PTPRK: variants seen among roughly 807,000 people sequenced by gnomAD.
PTPRK encodes the protein receptor-type tyrosine-protein phosphatase kappa.
PTPRK carries 75 observed loss-of-function variants against 178.0 expected under a neutral mutation model. That is an observed-to-expected ratio of 0.42 (90% CI 0.35 to 0.51). The LOEUF is 0.51. Among genes scored for constraint, PTPRK ranks in the 20% least tolerant of loss-of-function variants. The pLI, the probability that PTPRK is intolerant of heterozygous loss-of-function variation, is 0.02. For missense variants in PTPRK, 1,441 were observed against 1,797.8 expected (o/e 0.80, Z 3.59); for synonymous variants, 637 against 620.6 (o/e 1.03, Z -0.39).
At chr6:128,020,367 C>A (rs1773315598) in intron 13 of PTPRK, among the ~76,000 whole-genome samples, 1 of 151,966 alleles carries the variant, frequency 6.6e-6, no homozygotes, top group African/African-American at 2.4e-5. Flanking sequence ...TAAACCTGAC[C>A]CAAAATGAAA....
intron 3 of PTPRK, among the ~76,000 whole-genome samples, chr6:128,248,014 AT>A (rs1301393274): frequency 6.6e-6 from 1 of 152,230 alleles, no homozygotes; most frequent in African/African-American, 2.4e-5. Flanking sequence ...CAAAGAACAA[AT>A]GTGCCCAAAT....
intron 1 of PTPRK, among the ~76,000 whole-genome samples, chr6:128,424,771 C>A (rs1843906661): frequency 6.6e-6 from 1 of 152,140 alleles, no homozygotes; most frequent in African/African-American, 2.4e-5. Context: ...TTCAGTAAAT[C>A]TGACTTCATG....
At chr6:128,192,139 C>T (rs1379352075) in intron 6 of PTPRK, among the ~76,000 whole-genome samples, 1 of 152,084 alleles carries the variant, frequency 6.6e-6, no homozygotes, top group Admixed American at 6.6e-5. Context: ...AAAGTAAAAA[C>T]TTGATCAAAA....
At chr6:127,999,883 A>G (rs746521633) in intron 15 of PTPRK, 39 of 801,208 alleles carry the variant, frequency 4.9e-5, no homozygotes, top group Middle Eastern at 1.3e-3. Context: ...ACCACTCACA[A>G]TTAAGCGTAA....
At chr6:128,374,064 T>C (rs1836674295) in intron 2 of PTPRK, among the ~76,000 whole-genome samples, 1 of 152,080 alleles carries the variant, frequency 6.6e-6, no homozygotes, top group Non-Finnish European at 1.5e-5. Context: ...TTTCCTTCTT[T>C]CATGGATAAA....
chr6:128,322,704 G>A (rs908559317), intron 2 of PTPRK, among the ~76,000 whole-genome samples: 5 of 140,286 alleles, frequency 3.6e-5, no homozygotes, highest in African/African-American at 1.1e-4. Context: ...ACACAAAAGC[G>A]ATACATTATT....
intron 7 of PTPRK, among the ~76,000 whole-genome samples, chr6:128,102,817 T>C (rs1338786211): frequency 1.3e-5 from 2 of 152,136 alleles, no homozygotes; most frequent in Non-Finnish European, 2.9e-5. Flanking sequence ...CTGGCCAAGC[T>C]TTCCTATCTC....
intron 7 of PTPRK, among the ~76,000 whole-genome samples, chr6:128,178,047 T>C (rs1801351087): frequency 6.6e-6 from 1 of 151,844 alleles, no homozygotes; most frequent in African/African-American, 2.4e-5. Flanking sequence ...CTAGACATTG[T>C]TTTATGCATT....
At chr6:128,011,156 G>A (rs1779008757) in intron 13 of PTPRK, among the ~76,000 whole-genome samples, 1 of 151,166 alleles carries the variant, frequency 6.6e-6, no homozygotes, top group African/African-American at 2.4e-5. Context: ...ACATTGGTTT[G>A]CCACAGATAC....
At chr6:128,165,186 G>A (rs908932056) in intron 7 of PTPRK, among the ~76,000 whole-genome samples, 2 of 151,012 alleles carry the variant, frequency 1.3e-5, no homozygotes, top group Admixed American at 6.6e-5. Flanking sequence ...CACATGTGAT[G>A]GGAAAGTTTT....
chr6:128,361,935 C>A (rs1367432203), intron 2 of PTPRK, among the ~76,000 whole-genome samples: 1 of 152,044 alleles, frequency 6.6e-6, no homozygotes, highest in African/African-American at 2.4e-5. Flanking sequence ...CATATACTAC[C>A]TCAACAAGTT....
chr6:128,292,226 A>G (rs1823499598), intron 3 of PTPRK, among the ~76,000 whole-genome samples: 1 of 152,134 alleles, frequency 6.6e-6, no homozygotes, highest in African/African-American at 2.4e-5. Flanking sequence ...ACTTACATGA[A>G]TAAGTTTTAG....
At chr6:128,435,038 CAGGAAGGCAGGAAGGAAGGAAGGA>C (rs1845340961) in intron 1 of PTPRK, among the ~76,000 whole-genome samples, 2 of 75,978 alleles carry the variant, frequency 2.6e-5, no homozygotes, top group African/African-American at 1.5e-4. Context: ...GACAGGAAGG[CAGGAAGGCAGGAAGGAAGGAAGGA>C]AGGAAGGAAG....
intron 1 of PTPRK, among the ~76,000 whole-genome samples, chr6:128,458,590 C>T (rs983553399): frequency 5.9e-5 from 9 of 152,306 alleles, no homozygotes; most frequent in Non-Finnish European, 7.3e-5. Flanking sequence ...CATGTGCACA[C>T]GCACACACTT....
At chr6:128,182,367 G>A (rs918341699) in intron 7 of PTPRK, among the ~76,000 whole-genome samples, 4 of 152,114 alleles carry the variant, frequency 2.6e-5, no homozygotes, top group Non-Finnish European at 4.4e-5. Context: ...CTTGAGGTCA[G>A]GAGTTCAAGA....
chr6:128,405,464 G>T (rs1841541308), intron 1 of PTPRK, among the ~76,000 whole-genome samples: 1 of 152,060 alleles, frequency 6.6e-6, no homozygotes, highest in Admixed American at 6.6e-5. Flanking sequence ...TCCAGTAAAA[G>T]GTCTTTTTCA....
chr6:128,362,874 C>G (rs1016076068), intron 2 of PTPRK, among the ~76,000 whole-genome samples: 1 of 152,066 alleles, frequency 6.6e-6, no homozygotes, highest in Non-Finnish European at 1.5e-5. Context: ...GGTACAAATA[C>G]TTTCCCCAAA....
At chr6:128,149,013 A>G (rs1326019921) in intron 7 of PTPRK, among the ~76,000 whole-genome samples, 2 of 152,050 alleles carry the variant, frequency 1.3e-5, no homozygotes, top group African/African-American at 2.4e-5. Flanking sequence ...CATTGACGAT[A>G]TCTTACATAA....
chr6:128,377,714 A>G (rs1837302166), intron 2 of PTPRK, among the ~76,000 whole-genome samples: 1 of 152,034 alleles, frequency 6.6e-6, no homozygotes, highest in Non-Finnish European at 1.5e-5. Context: ...AACCAACAAA[A>G]AAAAAAGAAA....
Sources: allele counts gnomAD v4.1 joint callset (sites outside exome capture counted in the v4.1 genomes callset), GRCh38; gene constraint gnomAD v4.1.1; transcripts MANE v1.5; gene names NCBI Gene and HGNC (gene_info 2026-07-23, HGNC 2026-07-21).